Variants in SNX1 observed in about 807,000 individuals in gnomAD.
The protein encoded by SNX1 is sorting nexin-1.
Under a neutral mutation model 71.8 loss-of-function variants are expected in SNX1, and 36 were observed. The observed-to-expected ratio is 0.50, with a 90% CI of 0.38 to 0.66. The LOEUF is 0.66. Among genes scored for constraint, SNX1 ranks in the 30% least tolerant of loss-of-function variants. The probability of loss-of-function intolerance (pLI) is 0.00; values close to 1 mark genes in which losing one functional copy is unlikely to be tolerated. For missense variants in SNX1, 612 were observed against 646.7 expected, an observed-to-expected ratio of 0.95 and a Z score of 0.58; for synonymous variants, 254 against 240.7, an observed-to-expected ratio of 1.06 and a Z score of -0.51.
At chr15:64,105,323 G>A (rs1249233258) in intron 1 of SNX1, among the ~76,000 whole-genome samples, 1 of 152,122 alleles carries the variant, frequency 6.6e-6, no homozygotes, top group Non-Finnish European at 1.5e-5. Flanking sequence ...TAGGTGGTAA[G>A]GCCACTCTGA....
Position 64,134,510 on chromosome 15 carries a change from A to G in SNX1, c.1222-154A>G. 1 of 841,886 alleles carries G rather than the reference A, an allele frequency of 1.2e-6. No homozygotes were observed. Among genetic ancestry groups the G allele is most frequent in the African/African-American group, 1.7e-5 (1 of 58,162 alleles). 52.2% of individuals were successfully genotyped at this position (841,886 alleles called of 1,614,324 possible). On this transcript the variant is annotated intron_variant, in intron 11 of 14. Coordinates refer to ENST00000559844, the MANE Select transcript of SNX1 (RefSeq NM_003099.5). This position sits in a 1 kb window ranked among gnomAD's most constrained non-coding sequence, Gnocchi z 4.1. ...TCTTACCCAAGCTTTGCTCCTAGAC[A>G]TTAAACTTCCCAGCTGGGCACTAAC...
chr15:64,109,346 G>GA (rs200967604), intron 1 of SNX1, among the ~76,000 whole-genome samples: 5 of 148,606 alleles, frequency 3.4e-5, no homozygotes, highest in South Asian at 2.1e-4. Context: ...CACAATTAAA[G>GA]AAAAAAAAAG....
At chr15:64,108,077 C>G (rs1281314279) in intron 1 of SNX1, among the ~76,000 whole-genome samples, 1 of 151,762 alleles carries the variant, frequency 6.6e-6, no homozygotes, top group Non-Finnish European at 1.5e-5. Context: ...CCTGTAGTCC[C>G]AGCTACTTGG....
intron 1 of SNX1, among the ~76,000 whole-genome samples, chr15:64,102,644 C>T (rs1262122397): frequency 1.3e-5 from 2 of 152,102 alleles, no homozygotes; most frequent in East Asian, 3.8e-4. Context: ...CTTTCTGTGC[C>T]TGACTTCTTT....
At chr15:64,102,830 G>A (rs2080978866) in intron 1 of SNX1, among the ~76,000 whole-genome samples, 1 of 132,652 alleles carries the variant, frequency 7.5e-6, no homozygotes, top group African/African-American at 2.8e-5. Flanking sequence ...GTGCAGTGGT[G>A]CAATCATGGC....
At position 64,129,928 on chromosome 15, in the gene SNX1, G is replaced by T. The variant is rs758590042; in HGVS notation, c.820G>T (p.Val274Leu). 6.2e-6 allele frequency: 10 copies of T among 1,613,814 alleles called. No individual in the cohort carries two copies. The highest frequency in any genetic ancestry group is 3.3e-5 in the South Asian group (3 of 91,078). ...FLEKEELPRA[V>L]GTQTLSGAGL... ...CTTGGTCTTGTAGCTGCCACGTGCC[G>T]TGGGTACCCAGACATTGAGTGGTGC... Residue 274 changes from valine (V) to leucine (L), a missense_variant, in exon 9 of 15, where the codon GTG (valine) becomes TTG (leucine). Val to Leu is a conservative substitution (Grantham distance 32). This residue lies in a region of SNX1 where 296 missense variants were observed against 361.9 expected (regional missense o/e 0.82). Transcript: ENST00000559844. This position sits in a 1 kb window ranked among gnomAD's most constrained non-coding sequence, Gnocchi z 4.4.
chr15:64,122,519 T>TG (rs1177486076), intron 4 of SNX1, among the ~76,000 whole-genome samples: 1 of 152,242 alleles, frequency 6.6e-6, no homozygotes, highest in Non-Finnish European at 1.5e-5. Flanking sequence ...GCCATCTTAC[T>TG]GAAACCAAGT....
chr15:64,135,987 A>G (rs2081355409), intron 12 of SNX1, among the ~76,000 whole-genome samples: 1 of 152,110 alleles, frequency 6.6e-6, no homozygotes, highest in Non-Finnish European at 1.5e-5. Flanking sequence ...GCTGATTCAG[A>G]TATGCCTTCT....
chr15:64,096,067 C>T lies in SNX1; in HGVS notation c.54C>T (p.Phe18=), dbSNP rs564611066. 32 of 1,584,484 alleles carry T rather than the reference C, an allele frequency of 2.0e-5. No individual in the cohort carries two copies. Among genetic ancestry groups the T allele is most frequent in the Non-Finnish European group, 2.6e-5 (30 of 1,169,000 alleles). The change falls in exon 1 of 15, where the codon TTC becomes TTT. Residue 18 remains phenylalanine, a synonymous_variant. Coordinates refer to ENST00000559844, the MANE Select transcript of SNX1 (RefSeq NM_003099.5). ...CSASERLPPP[F]PGLEPESEGA... is the part of the protein sequence containing the mutation. ...CTTCGGAGAGACTGCCTCCGCCCTT[C>T]CCCGGCCTGGAGCCGGAGTCCGAGG...
At chr15:64,113,352 T>C (rs1353280283) in intron 2 of SNX1, among the ~76,000 whole-genome samples, 2 of 152,056 alleles carry the variant, frequency 1.3e-5, no homozygotes. Context: ...CCAGAAGACA[T>C]TTGGAAATGG....
chr15:64,120,991 T>C (rs2081191564), intron 4 of SNX1, among the ~76,000 whole-genome samples: 1 of 152,224 alleles, frequency 6.6e-6, no homozygotes, highest in South Asian at 2.1e-4. Flanking sequence ...GCTTTCCTGG[T>C]AGGGCACAGT....
Position 64,136,319 on chromosome 15 carries a change from T to C in SNX1, c.1366-11T>C, listed in dbSNP as rs201165891. ...ATATGAGGTGATCCTTTCTTTCCTC[T>C]TTCTTCCCAGTGGGAGTCTCGGGTG... On this transcript the variant is annotated splice_polypyrimidine_tract_variant and intron_variant, in intron 12 of 14. Transcript: ENST00000559844. The C allele has an allele frequency of 6.2e-7, 1 of 1,609,846 alleles. No homozygotes were observed. The highest frequency in any genetic ancestry group is 8.5e-7 in the Non-Finnish European group (1 of 1,176,088).
At chr15:64,104,272 GTTT>G (rs34006143) in intron 1 of SNX1, among the ~76,000 whole-genome samples, 3 of 123,286 alleles carry the variant, frequency 2.4e-5, no homozygotes, top group Non-Finnish European at 3.3e-5. Context: ...GGAGTAAAGG[GTTT>G]TTTTTTTTTT....
At position 64,136,840 on chromosome 15, in the gene SNX1, GT is replaced by G. The variant is rs2081364644; in HGVS notation, c.1447-20del. ...AGGGAAAGCAAAAACTGGATGGTCA[GT>G]GTAGAATCTTGTCTCCTAGAAAGAG... is the stretch of plus-strand genomic sequence containing the variant. On this transcript the variant is annotated intron_variant, in intron 13 of 14. Transcript: ENST00000559844. 2 of 1,601,920 alleles carry G rather than the reference GT, an allele frequency of 1.2e-6. No individual in the cohort carries two copies. Among genetic ancestry groups the G allele is most frequent in the African/African-American group, 1.3e-5 (1 of 74,650 alleles).
intron 14 of SNX1, 83 bp from the exon 15 acceptor site, chr15:64,137,485 G>A: frequency 6.6e-7 from 1 of 1,518,480 alleles, no homozygotes; most frequent in East Asian, 2.3e-5. Flanking sequence ...GAGCGCCAGG[G>A]TACTGTGCTT....
At chr15:64,137,475 G>A in intron 14 of SNX1, 93 bp from the exon 15 acceptor site, 1 of 1,412,080 alleles carries the variant, frequency 7.1e-7, no homozygotes, top group Non-Finnish European at 9.9e-7. Flanking sequence ...GGCGCTTGGG[G>A]AGCGCCAGGG....
intron 9 of SNX1, 54 bp from the exon 10 acceptor site, chr15:64,130,174 T>G: frequency 6.6e-7 from 1 of 1,525,700 alleles, no homozygotes; most frequent in Admixed American, 1.7e-5. Context: ...AAAGAAAGAC[T>G]GTACTGCACC....
chr15:64,123,587 T>C (rs750441096), intron 5 of SNX1, 41 bp downstream of exon 5: 10 of 1,529,088 alleles, frequency 6.5e-6, no homozygotes, highest in Non-Finnish European at 9.1e-6. Context: ...CTTCATAGAC[T>C]TTGGTGCTTA....
intron 3 of SNX1, 61 bp downstream of exon 3, chr15:64,118,305 C>A: frequency 6.5e-7 from 1 of 1,530,426 alleles, no homozygotes; most frequent in South Asian, 1.2e-5. Flanking sequence ...TACGGCCAGT[C>A]TGAAGTGTAG....
Sources: allele counts gnomAD v4.1 joint callset (sites outside exome capture counted in the v4.1 genomes callset), GRCh38; gene constraint gnomAD v4.1.1; regional missense constraint gnomAD v4.1.1; non-coding constraint Gnocchi (gnomAD v3.1); transcripts MANE v1.5; gene names NCBI Gene and HGNC (gene_info 2026-07-23, HGNC 2026-07-21).